FAM131B: variants seen among roughly 807,000 people sequenced by gnomAD.
FAM131B encodes family with sequence similarity 131 member B.
FAM131B carries 19 observed loss-of-function variants against 42.0 expected under a neutral mutation model. That is an observed-to-expected ratio of 0.45 (90% CI 0.32 to 0.66). The LOEUF is 0.66. Among genes scored for constraint, FAM131B ranks in the 30% least tolerant of loss-of-function variants. The probability of loss-of-function intolerance (pLI) is 0.05; values close to 1 mark genes in which losing one functional copy is unlikely to be tolerated. For missense variants in FAM131B, 370 were observed against 468.4 expected (o/e 0.79, Z 1.94); for synonymous variants, 183 against 177.6 (o/e 1.03, Z -0.24).
chr7:143,381,761 C>A, the FAM131B span: 1 of 1,576,692 alleles, frequency 6.3e-7, no homozygotes, highest in Non-Finnish European at 8.6e-7. Context: ...GGGCGAGATT[C>A]CCCCGCCGCC....
the FAM131B span, chr7:143,380,646 G>C: frequency 1.0e-6 from 1 of 985,412 alleles, no homozygotes; most frequent in Non-Finnish European, 1.2e-6. The surrounding 1 kb of genome is among the most constrained non-coding windows in gnomAD (Gnocchi z 5.0). Context: ...CGAATTCCTA[G>C]AAGCCTTAAG....
chr7:143,373,707 GA>G, the FAM131B span, among the ~76,000 whole-genome samples: 10 of 152,158 alleles, frequency 6.6e-5, no homozygotes, highest in African/African-American at 2.4e-4. Context: ...TGGTTTTCAG[GA>G]GTTGAGCCAG....
upstream of FAM131B, among the ~76,000 whole-genome samples, chr7:143,366,532 C>T (rs1027541474): frequency 7.3e-5 from 11 of 150,834 alleles, no homozygotes; most frequent in African/African-American, 2.4e-4. Context: ...GTGGAAATCA[C>T]GAGGGTCAGT....
At position 143,355,515 on chromosome 7, in the gene FAM131B, A is replaced by T. The variant is rs1296769546; in HGVS notation, c.*1035T>A. 2.0e-5 allele frequency: 3 copies of T among 152,548 alleles called. No homozygotes were observed. Among genetic ancestry groups the T allele is most frequent in the African/African-American group, 7.2e-5 (3 of 41,402 alleles). The allele number at this position is 152,548 out of a possible 1,614,324, so 9.4% of individuals were successfully genotyped here. A position where few individuals can be genotyped will look rare whatever the true frequency, so the allele number is the denominator to read the frequency against. On this transcript the variant is annotated 3_prime_UTR_variant, in exon 7 of 7. Transcript: ENST00000443739. This position sits in a 1 kb window ranked among gnomAD's most constrained non-coding sequence, Gnocchi z 4.1. Reference sequence around the variant, plus strand: ...GTGACAGCACCGGACTCCTCCCTCCACTCCACTCAACCCTGAGTGCCCAAG... The same window carrying T: ...GTGACAGCACCGGACTCCTCCCTCCTCTCCACTCAACCCTGAGTGCCCAAG...
chr7:143,379,227 G>A, the FAM131B span, among the ~76,000 whole-genome samples: 191 of 152,180 alleles, frequency 1.3e-3, no homozygotes, highest in African/African-American at 4.5e-3. Context: ...TCCCCAAAGG[G>A]GCCATATTTT....
At chr7:143,364,510 C>G (rs1289126336), upstream of FAM131B, among the ~76,000 whole-genome samples, 1 of 152,054 alleles carries the variant, frequency 6.6e-6, no homozygotes, top group African/African-American at 2.4e-5. Flanking sequence ...TACTGTGGTT[C>G]CAACTTGGAT....
At position 143,362,587 on chromosome 7, in the gene FAM131B, G is replaced by A; in HGVS notation, c.17C>T (p.Ser6Phe). The change falls in exon 1 of 7, where the codon TCC (serine) becomes TTC (phenylalanine). Residue 6 changes from serine (S) to phenylalanine (F), a missense_variant. By Grantham distance (155) the Ser-to-Phe change is radical. Coordinates refer to ENST00000443739, the MANE Select transcript of FAM131B (RefSeq NM_001031690.3). The surrounding 1 kb of genome is among the most constrained non-coding windows in gnomAD (Gnocchi z 7.7). MGCIG[S>F]RTVGNEVIAV... The stretch of plus-strand genomic sequence containing the variant: ...GCCGCGGTACCCACCCACAGTCCGG[G>A]AGCCGATGCAGCCCATGGCTCCGGG... The A allele has an allele frequency of 8.2e-7, 1 of 1,222,286 alleles. No individual in the cohort carries two copies. The highest frequency in any genetic ancestry group is 1.0e-6 in the Non-Finnish European group (1 of 981,726). The allele number at this position is 1,222,286 out of a possible 1,614,324, so 75.7% of individuals were successfully genotyped here.
At chr7:143,381,179 G>C in the FAM131B span, 1 of 990,950 alleles carries the variant, frequency 1.0e-6, no homozygotes, top group East Asian at 1.1e-4. Flanking sequence ...GCCCCTTCCT[G>C]GGGGAGTTTC....
Position 143,354,569 on chromosome 7 carries a change from T to TAGC in FAM131B, c.*1978_*1980dup. 1 of 152,226 alleles carries TAGC rather than the reference T, an allele frequency of 6.6e-6. No individual in the cohort carries two copies. The allele number at this position is 152,226 out of a possible 1,614,324, so 9.4% of individuals were successfully genotyped here. On this transcript the variant is annotated 3_prime_UTR_variant, in exon 7 of 7. Coordinates refer to ENST00000443739, the MANE Select transcript of FAM131B (RefSeq NM_001031690.3). ...CCTGCAGCAGGAGACGGGTGGGGAATAGCTGCCAGGGCGGGCATGCTAGAC... is the reference window on the plus strand; with the variant it reads ...CCTGCAGCAGGAGACGGGTGGGGAATAGCAGCTGCCAGGGCGGGCATGCTAGAC...
At position 143,359,116 on chromosome 7, in the gene FAM131B, G is replaced by A; in HGVS notation, c.269-92C>T. 7.4e-7 allele frequency: 1 copy of A among 1,343,576 alleles called. No homozygotes were observed. The highest frequency in any genetic ancestry group is 2.0e-5 in the Admixed American group (1 of 50,580). 83.2% of individuals were successfully genotyped at this position (1,343,576 alleles called of 1,614,324 possible). A position where few individuals can be genotyped will look rare whatever the true frequency, so the allele number is the denominator to read the frequency against. On this transcript the variant is annotated intron_variant, in intron 4 of 6. Transcript: ENST00000443739. The surrounding 1 kb of genome is among the most constrained non-coding windows in gnomAD (Gnocchi z 5.4). The stretch of plus-strand genomic sequence containing the variant: ...GTTCCTCCCACCCCAGCCCCATGAG[G>A]CTCCATCCCACTGGGCCAGGCTCCC...
chr7:143,363,390 C>G (rs1804087935), upstream of FAM131B, among the ~76,000 whole-genome samples: 1 of 152,160 alleles, frequency 6.6e-6, no homozygotes, highest in Admixed American at 6.5e-5. Context: ...GAGGACAGTT[C>G]ATTCGCAGTA....
At chr7:143,361,955 C>T (rs554259816) in intron 1 of FAM131B, 1 of 745,664 alleles carries the variant, frequency 1.3e-6, no homozygotes, top group Non-Finnish European at 1.6e-6. Flanking sequence ...CGGCCCTGGC[C>T]CTGTCCCTCC....
chr7:143,363,426 G>A (rs1486098463), upstream of FAM131B, among the ~76,000 whole-genome samples: 3 of 152,290 alleles, frequency 2.0e-5, no homozygotes, highest in Admixed American at 6.5e-5. Flanking sequence ...CAGGACCCGA[G>A]GCTGGCTAGG....
At chr7:143,361,479 G>A (rs1484564678) in intron 1 of FAM131B, 1 of 152,134 alleles carries the variant, frequency 6.6e-6, no homozygotes, top group African/African-American at 2.4e-5. Context: ...AGAGGAGGAG[G>A]GGGTATCCAT....
Position 143,357,415 on chromosome 7 carries a change from C to A in FAM131B, c.475G>T (p.Glu159Ter). Residue 159 changes from glutamate (E) to a stop codon, truncating the protein, a stop_gained, in exon 6 of 7, where the codon GAG becomes TAG. Coordinates refer to ENST00000443739, the MANE Select transcript of FAM131B (RefSeq NM_001031690.3). LOFTEE classifies it high-confidence loss of function. ...KEARFLAGVM[E>*]QFAISEATLM... ...GTGGCCTCAGAGATAGCAAACTGCT[C>A]CATGACGCCTGGGGGAAGAAATGCA... The A allele has an allele frequency of 6.2e-7, 1 of 1,607,362 alleles. No individual in the cohort carries two copies. The highest frequency in any genetic ancestry group is 1.1e-5 in the South Asian group (1 of 89,888).
Position 143,359,759 on chromosome 7 carries a change from T to C in FAM131B, c.147A>G (p.Arg49=). 1 of 1,569,450 alleles carries C rather than the reference T, an allele frequency of 6.4e-7. No homozygotes were observed. Among genetic ancestry groups the C allele is most frequent in the Non-Finnish European group, 8.6e-7 (1 of 1,156,778 alleles). ...SLHRPSTEQT[R]TDFSWDGINL... Reference sequence around the variant, plus strand: ...TGATGCCGTCCCAGGAGAAATCAGTTCGAGTTTGCTGTGAGGAGAGAGGAA... The same window carrying C: ...TGATGCCGTCCCAGGAGAAATCAGTCCGAGTTTGCTGTGAGGAGAGAGGAA... The change falls in exon 3 of 7, where the codon CGA becomes CGG. Residue 49 remains arginine (R), a synonymous_variant. Transcript: ENST00000443739. The surrounding 1 kb of genome is among the most constrained non-coding windows in gnomAD (Gnocchi z 5.4).
chr7:143,364,438 CT>C (rs1317322345), upstream of FAM131B, among the ~76,000 whole-genome samples: 1 of 152,150 alleles, frequency 6.6e-6, no homozygotes, highest in Non-Finnish European at 1.5e-5. Flanking sequence ...CCACCTGAAA[CT>C]TCTGTCTCCT....
chr7:143,377,334 C>T, the FAM131B span, among the ~76,000 whole-genome samples: 4 of 152,282 alleles, frequency 2.6e-5, no homozygotes, highest in Admixed American at 2.0e-4. Context: ...CTTGCATATA[C>T]AAAATGTGTG....
the FAM131B span, among the ~76,000 whole-genome samples, chr7:143,368,419 A>G: frequency 6.6e-6 from 1 of 152,228 alleles, no homozygotes; most frequent in Admixed American, 6.5e-5. Context: ...TCCATGGAGA[A>G]CCAATGAGAA....
Sources: gnomAD v4.1 joint callset for allele counts (sites outside exome capture counted in the v4.1 genomes callset) on GRCh38, gnomAD v4.1.1 for gene constraint, Gnocchi (gnomAD v3.1) non-coding constraint, MANE v1.5 for transcripts, NCBI Gene and HGNC (gene_info 2026-07-23, HGNC 2026-07-21) for gene names.